The following LARGE1 variants were observed in gnomAD, a reference collection of about 807,000 sequenced individuals.
The protein encoded by LARGE1 is LARGE xylosyl- and glucuronyltransferase 1.
LARGE1 carries 43 observed loss-of-function variants against 87.6 expected under a neutral mutation model. The ratio of observed to expected loss-of-function variants is 0.49; its 90% CI spans 0.38 to 0.63. The LOEUF (loss-of-function observed/expected upper bound fraction) is 0.63. Ranked by LOEUF, LARGE1 falls within the 30% of genes least tolerant of loss-of-function variation. The pLI, the probability that LARGE1 is intolerant of heterozygous loss-of-function variation, is 0.00. For synonymous variants in LARGE1, 434 were observed against 394.6 expected (o/e 1.10, Z -1.18); for missense variants, 802 against 1,000.2 (o/e 0.80, Z 2.67).
At chr22:33,569,971 A>G (rs1345638403) in intron 5 of LARGE1, among the ~76,000 whole-genome samples, 1 of 152,176 alleles carries the variant, frequency 6.6e-6, no homozygotes, top group Non-Finnish European at 1.5e-5. Flanking sequence ...TATTTTCCTC[A>G]CCTAGGAGCA....
intron 2 of LARGE1, among the ~76,000 whole-genome samples, chr22:33,708,853 C>T (rs142399477): frequency 6.6e-6 from 1 of 152,140 alleles, no homozygotes; most frequent in East Asian, 1.9e-4. Flanking sequence ...CCCGCCTTGG[C>T]CTCCCAAAGT....
At chr22:33,250,571 G>C (rs1455457311) in intron 11 of LARGE1, among the ~76,000 whole-genome samples, 1 of 152,152 alleles carries the variant, frequency 6.6e-6, no homozygotes, top group Non-Finnish European at 1.5e-5. Flanking sequence ...AGTAGTACAG[G>C]AGATATCCTT....
intron 2 of LARGE1, among the ~76,000 whole-genome samples, chr22:33,749,963 C>A (rs542455113): frequency 6.6e-6 from 1 of 152,076 alleles, no homozygotes; most frequent in African/African-American, 2.4e-5. Flanking sequence ...CTTGCTCAAA[C>A]GGTACAACGT....
At chr22:33,189,859 G>T (rs1923684731) in intron 11 of LARGE1, among the ~76,000 whole-genome samples, 1 of 152,160 alleles carries the variant, frequency 6.6e-6, no homozygotes, top group African/African-American at 2.4e-5. Flanking sequence ...CAAGTATGAG[G>T]AGGTAACAGT....
chr22:33,406,617 T>C lies in LARGE1; in HGVS notation c.893-22313A>G, dbSNP rs953143038. On this transcript the variant is annotated intron_variant, in intron 7 of 14. Transcript: ENST00000397394. The stretch of plus-strand genomic sequence containing the variant: ...TTCGAGACGACCCTCTGCCACACGT[T>C]TTCCCATTATCCGCATTTTCAGGTG... Among the ~76,000 whole-genome samples, 9 of 152,280 alleles carry C rather than the reference T, an allele frequency of 5.9e-5. No individual in the cohort carries two copies. The East Asian group carries it at 1.7e-3, about 29-fold the overall frequency.
At chr22:33,622,170 T>G (rs2079775205) in intron 4 of LARGE1, among the ~76,000 whole-genome samples, 1 of 152,180 alleles carries the variant, frequency 6.6e-6, no homozygotes. Context: ...TTGTAATTCC[T>G]ATAATCCCCA....
At chr22:33,413,743 GT>G (rs1165635762) in intron 7 of LARGE1, among the ~76,000 whole-genome samples, 1 of 152,012 alleles carries the variant, frequency 6.6e-6, no homozygotes, top group Non-Finnish European at 1.5e-5. Flanking sequence ...GGGATTACAG[GT>G]GTGACCCACC....
At chr22:33,499,004 T>A (rs565545096) in intron 6 of LARGE1, among the ~76,000 whole-genome samples, 66 of 151,470 alleles carry the variant, frequency 4.4e-4, no homozygotes, top group Admixed American at 1.3e-3. Context: ...ACAAAAAATT[T>A]AAAAAAAAAT....
intron 7 of LARGE1, among the ~76,000 whole-genome samples, chr22:33,416,190 A>G (rs559187430): frequency 2.0e-5 from 3 of 152,292 alleles, no homozygotes; most frequent in African/African-American, 7.2e-5. Flanking sequence ...GGTGAGACAG[A>G]GCTTGAGCTC....
At chr22:33,691,257 T>TGAGGGAGGGAGGAGA (rs1181081680) in intron 2 of LARGE1, among the ~76,000 whole-genome samples, 1 of 151,688 alleles carries the variant, frequency 6.6e-6, no homozygotes, top group Non-Finnish European at 1.5e-5. Context: ...ATTGACATTT[T>TGAGGGAGGGAGGAGA]GAGGGAGGGA....
intron 6 of LARGE1, among the ~76,000 whole-genome samples, chr22:33,491,554 T>G (rs11912942): frequency 0.052 from 7,959 of 152,316 alleles, 636 homozygotes; most frequent in African/African-American, 0.17. Flanking sequence ...AAGAATCTTC[T>G]CAAAACTTCC....
intron 6 of LARGE1, among the ~76,000 whole-genome samples, chr22:33,553,483 T>C (rs2077588579): frequency 6.6e-6 from 1 of 151,836 alleles, no homozygotes; most frequent in Non-Finnish European, 1.5e-5. Flanking sequence ...ACGACTGCAC[T>C]CCAGCCTGGG....
Position 33,902,173 on chromosome 22 carries a change from A to G in LARGE1, c.-83+17822T>C, listed in dbSNP as rs187295583. On this transcript the variant is annotated intron_variant, in intron 1 of 14. Transcript: ENST00000397394. ...GACGTGGGCCAAATGGACTCATAAA[A>G]CCCCACACTTGAAAACTTTGGTCCG... Among the ~76,000 whole-genome samples, 482 of 152,074 alleles carry G rather than the reference A, an allele frequency of 3.2e-3. 2 individuals are homozygous for G. The highest frequency in any genetic ancestry group is 0.011 in the African/African-American group (453 of 41,450).
intron 12 of LARGE1, among the ~76,000 whole-genome samples, chr22:33,288,919 C>A (rs1348333200): frequency 6.6e-6 from 1 of 152,102 alleles, no homozygotes; most frequent in African/African-American, 2.4e-5. Flanking sequence ...AGAACATTCA[C>A]AAACCTACTA....
intron 12 of LARGE1, among the ~76,000 whole-genome samples, chr22:33,291,814 C>T (rs906599646): frequency 9.9e-5 from 15 of 151,926 alleles, no homozygotes; most frequent in Admixed American, 2.6e-4. Flanking sequence ...ATCTTGGGGC[C>T]GGGCGTGGTG....
At chr22:33,130,435 A>G in the LARGE1 span, among the ~76,000 whole-genome samples, 1 of 151,378 alleles carries the variant, frequency 6.6e-6, no homozygotes, top group African/African-American at 2.4e-5. Flanking sequence ...GGTTGCAGTG[A>G]GCCGAGATTG....
At chr22:33,323,611 A>G (rs376342513) in intron 10 of LARGE1, among the ~76,000 whole-genome samples, 2 of 152,226 alleles carry the variant, frequency 1.3e-5, no homozygotes, top group South Asian at 2.1e-4. Flanking sequence ...CTGTGGTCCC[A>G]GTGCAGGAAA....
At chr22:33,460,594 A>G (rs907620799) in intron 6 of LARGE1, among the ~76,000 whole-genome samples, 15 of 152,196 alleles carry the variant, frequency 9.9e-5, no homozygotes, top group Non-Finnish European at 1.6e-4. Context: ...ATGGAAACTG[A>G]TAAGATAGCA....
chr22:33,126,896 C>T, the LARGE1 span, among the ~76,000 whole-genome samples: 1 of 152,248 alleles, frequency 6.6e-6, no homozygotes. Context: ...GGTTGCAATA[C>T]TGTGGCCCAA....
Sources: allele counts gnomAD v4.1 joint callset (sites outside exome capture counted in the v4.1 genomes callset), GRCh38; gene constraint gnomAD v4.1.1; transcripts MANE v1.5; gene names NCBI Gene and HGNC (gene_info 2026-07-23, HGNC 2026-07-21).